Variants in RFC3 observed in about 807,000 individuals in gnomAD.
RFC3 encodes A1 38 kDa subunit.
RFC3 carries 41 observed loss-of-function variants against 45.1 expected under a neutral mutation model. The ratio of observed to expected loss-of-function variants is 0.91; its 90% CI spans 0.71 to 1.18. The LOEUF is 1.18. Among genes scored for constraint, RFC3 ranks in the 50% most tolerant of loss-of-function variants. The pLI is 0.00. For synonymous variants in RFC3, 149 were observed against 144.0 expected, an observed-to-expected ratio of 1.03 and a Z score of -0.25; for missense variants, 423 against 428.1, an observed-to-expected ratio of 0.99 and a Z score of 0.10.
At chr13:33,886,408 T>C (rs1054295219) in intron 8 of RFC3, among the ~76,000 whole-genome samples, 4 of 151,838 alleles carry the variant, frequency 2.6e-5, no homozygotes, top group Non-Finnish European at 5.9e-5. Context: ...TAGCCGGTCG[T>C]GGTGGTGGGC....
chr13:33,950,635 A>T (rs1566040002), intron 8 of RFC3, among the ~76,000 whole-genome samples: 2 of 152,232 alleles, frequency 1.3e-5, no homozygotes, highest in Non-Finnish European at 2.9e-5. Flanking sequence ...AGGCCAACAC[A>T]CAGGTCAACT....
chr13:33,967,301 A>T (rs541882361), downstream of RFC3, among the ~76,000 whole-genome samples: 1 of 152,322 alleles, frequency 6.6e-6, no homozygotes, highest in East Asian at 1.9e-4. Context: ...AGTATTTCCC[A>T]TACTGTATTC....
At chr13:33,849,388 A>G (rs1388900381) in intron 8 of RFC3, 1 of 152,156 alleles carries the variant, frequency 6.6e-6, no homozygotes, top group Admixed American at 6.6e-5. Context: ...AAAATCAATA[A>G]TAAAAGGTCC....
chr13:33,833,617 C>T (rs2082123722), intron 7 of RFC3, among the ~76,000 whole-genome samples: 1 of 152,186 alleles, frequency 6.6e-6, no homozygotes, highest in African/African-American at 2.4e-5. Flanking sequence ...GTATGCACTA[C>T]ACACAGTATA....
chr13:33,926,335 G>A (rs190124031), intron 8 of RFC3, among the ~76,000 whole-genome samples: 1,877 of 151,528 alleles, frequency 0.012, 26 homozygotes, highest in African/African-American at 0.043. Context: ...TTGTGCACAT[G>A]TACCCTAAAA....
Position 33,821,135 on chromosome 13 carries a change from C to T in RFC3, c.91C>T (p.Gln31Ter). The change falls in exon 2 of 9, where the codon CAG (glutamine) becomes TAG (stop). Residue 31 changes from glutamine (Q) to a stop codon, truncating the protein, a stop_gained. Coordinates refer to ENST00000380071, the MANE Select transcript of RFC3 (RefSeq NM_002915.4). LOFTEE classifies it high-confidence loss of function. ...EQAAQLRNLVQCGDFPHLLVY... is the reference protein window; with the variant it reads ...EQAAQLRNLV ...ATGCCTTGTTCTTTTTTTTCAGGTGCAGTGTGGTGACTTTCCTCATCTGTT... is the reference window on the plus strand; with the variant it reads ...ATGCCTTGTTCTTTTTTTTCAGGTGTAGTGTGGTGACTTTCCTCATCTGTT... The T allele has an allele frequency of 6.2e-7, 1 of 1,612,116 alleles. No individual in the cohort carries two copies. Among genetic ancestry groups the T allele is most frequent in the Non-Finnish European group, 8.5e-7 (1 of 1,179,072 alleles).
chr13:33,929,278 CT>C (rs2082836851), intron 8 of RFC3, among the ~76,000 whole-genome samples: 1 of 152,066 alleles, frequency 6.6e-6, no homozygotes, highest in South Asian at 2.1e-4. Context: ...GTTGATGTAT[CT>C]TCTTTTCCAA....
At chr13:33,886,779 C>T (rs1186935100) in intron 8 of RFC3, among the ~76,000 whole-genome samples, 1 of 109,466 alleles carries the variant, frequency 9.1e-6, no homozygotes, top group Non-Finnish European at 1.8e-5. Context: ...AGCTATCCCT[C>T]CCCCCTCCCC....
At chr13:33,928,852 C>G (rs1254518205) in intron 8 of RFC3, among the ~76,000 whole-genome samples, 3 of 151,594 alleles carry the variant, frequency 2.0e-5, no homozygotes, top group Non-Finnish European at 4.4e-5. Context: ...GAAGTGAAAA[C>G]TATCTGAAAT....
chr13:33,924,604 A>G (rs1052200464), intron 8 of RFC3, among the ~76,000 whole-genome samples: 1 of 150,390 alleles, frequency 6.6e-6, no homozygotes, highest in Non-Finnish European at 1.5e-5. Flanking sequence ...GATTATATAT[A>G]TATATGTAAA....
intron 8 of RFC3, among the ~76,000 whole-genome samples, chr13:33,925,613 G>A (rs961175663): frequency 6.7e-6 from 1 of 149,506 alleles, no homozygotes; most frequent in Non-Finnish European, 1.5e-5. Flanking sequence ...CATATATAGT[G>A]TACTATATAC....
At chr13:33,908,968 G>T (rs1415005047) in intron 8 of RFC3, among the ~76,000 whole-genome samples, 2 of 152,012 alleles carry the variant, frequency 1.3e-5, no homozygotes, top group African/African-American at 4.8e-5. Context: ...ACTAATTGAG[G>T]CCCACCACAG....
intron 8 of RFC3, among the ~76,000 whole-genome samples, chr13:33,917,952 GA>G (rs2082743852): frequency 6.6e-6 from 1 of 152,068 alleles, no homozygotes; most frequent in Admixed American, 6.6e-5. Flanking sequence ...AAGAAACTCA[GA>G]ATCATTATCC....
chr13:33,850,247 AAAAT>A (rs2082267844), intron 8 of RFC3: 1 of 152,154 alleles, frequency 6.6e-6, no homozygotes, highest in African/African-American at 2.4e-5. Context: ...GGAGATGAGA[AAAAT>A]AAACTTTCTA....
chr13:33,948,342 T>C (rs2082967371), intron 8 of RFC3, among the ~76,000 whole-genome samples: 1 of 152,208 alleles, frequency 6.6e-6, no homozygotes, highest in Non-Finnish European at 1.5e-5. Context: ...GAATTGAGGC[T>C]GGAGAACCTC....
chr13:33,864,558 G>A (rs772851410), intron 8 of RFC3, among the ~76,000 whole-genome samples: 2 of 152,100 alleles, frequency 1.3e-5, no homozygotes, highest in Non-Finnish European at 2.9e-5. Flanking sequence ...GAGAGTGAGT[G>A]GAAACTTGTG....
chr13:33,947,835 A>G (rs2082963751), intron 8 of RFC3, among the ~76,000 whole-genome samples: 1 of 152,200 alleles, frequency 6.6e-6, no homozygotes, highest in Non-Finnish European at 1.5e-5. Context: ...CCTGTCCTAG[A>G]GATCTGTGGA....
At chr13:33,865,827 G>A (rs1415722986) in intron 8 of RFC3, among the ~76,000 whole-genome samples, 1 of 152,186 alleles carries the variant, frequency 6.6e-6, no homozygotes, top group East Asian at 1.9e-4. Context: ...GCTGAGGCGG[G>A]TGGATCACCT....
At chr13:33,927,837 A>C (rs576398924) in intron 8 of RFC3, among the ~76,000 whole-genome samples, 3 of 152,234 alleles carry the variant, frequency 2.0e-5, no homozygotes, top group South Asian at 2.1e-4. Flanking sequence ...GTTGATTTAC[A>C]TCAGCAGTGG....
Sources: allele counts gnomAD v4.1 joint callset (sites outside exome capture counted in the v4.1 genomes callset), GRCh38; gene constraint gnomAD v4.1.1; transcripts MANE v1.5; gene names NCBI Gene and HGNC (gene_info 2026-07-23, HGNC 2026-07-21).